Variants in AAK1 observed in about 807,000 individuals in gnomAD.
The protein encoded by AAK1 is AP2-associated protein kinase 1.
Under a neutral mutation model 116.0 loss-of-function variants are expected in AAK1, and 37 were observed. That is an observed-to-expected ratio of 0.32 (90% CI 0.25 to 0.42). AAK1 has a LOEUF of 0.42. Ranked by LOEUF, AAK1 falls within the 10% of genes least tolerant of loss-of-function variation. The probability of loss-of-function intolerance (pLI) is 1.00; values close to 1 mark genes in which losing one functional copy is unlikely to be tolerated. For missense variants in AAK1, 919 were observed against 1,170.6 expected (o/e 0.79, Z 3.14); for synonymous variants, 458 against 439.9 (o/e 1.04, Z -0.51).
At chr2:69,630,786 G>A (rs1675142345) in intron 2 of AAK1, among the ~76,000 whole-genome samples, 2 of 152,186 alleles carry the variant, frequency 1.3e-5, no homozygotes, top group Admixed American at 1.3e-4. Flanking sequence ...GGGGGAAGGG[G>A]AGGAAAGACA....
At chr2:69,547,995 G>C (rs2105064480) in intron 3 of AAK1, among the ~76,000 whole-genome samples, 1 of 152,212 alleles carries the variant, frequency 6.6e-6, no homozygotes, top group South Asian at 2.1e-4. Context: ...AGTGAAAACA[G>C]ACACAAGAGG....
chr2:69,641,877 AAC>A (rs1405686255), intron 2 of AAK1, among the ~76,000 whole-genome samples: 3 of 152,268 alleles, frequency 2.0e-5, no homozygotes, highest in South Asian at 4.1e-4. Flanking sequence ...CTCGGTCTAT[AAC>A]ACAACCTACA....
Position 69,544,520 on chromosome 2 carries a change from T to C in AAK1, c.307A>G (p.Ile103Val). The change falls in exon 4 of 22, where the codon ATT (isoleucine) becomes GTT (valine). Residue 103 changes from isoleucine to valine, a missense_variant. Ile to Val is a conservative substitution (Grantham distance 29). This residue lies in a region of AAK1 where 317 missense variants were observed against 490.4 expected (regional missense o/e 0.65). Coordinates refer to ENST00000409085, the MANE Select transcript of AAK1 (RefSeq NM_014911.5). ...ATACTAGAATCAATGTAACCCACAATATTCTTGTGCCCTGAAAGATCCCTC... is the reference window on the plus strand; with the variant it reads ...ATACTAGAATCAATGTAACCCACAACATTCTTGTGCCCTGAAAGATCCCTC... ...IMRDLSGHKN[I>V]VGYIDSSINN... 6.2e-7 allele frequency: 1 copy of C among 1,613,670 alleles called. No individual in the cohort carries two copies.
intron 2 of AAK1, among the ~76,000 whole-genome samples, chr2:69,629,389 G>C (rs1264748778): frequency 6.6e-6 from 1 of 152,208 alleles, no homozygotes; most frequent in African/African-American, 2.4e-5. Flanking sequence ...AAATGGTTTA[G>C]AGTTCCTTTA....
chr2:69,557,077 A>T (rs1471474256), intron 2 of AAK1, 99 bp from the exon 3 acceptor site: 2 of 786,684 alleles, frequency 2.5e-6, no homozygotes, highest in Non-Finnish European at 4.4e-6. Context: ...TGCTAATGGT[A>T]CTAATGCCAC....
At chr2:69,612,459 C>A (rs1486071157) in intron 2 of AAK1, among the ~76,000 whole-genome samples, 1 of 152,166 alleles carries the variant, frequency 6.6e-6, no homozygotes, top group Non-Finnish European at 1.5e-5. Context: ...GCTACATAAG[C>A]ACTAAAAGTC....
Position 69,581,376 on chromosome 2 carries a change from G to T in AAK1, c.164-24398C>A, listed in dbSNP as rs183420412. 4.6e-5 allele frequency among the ~76,000 whole-genome samples: 7 copies of T among 152,318 alleles called. No homozygotes were observed. In the East Asian group the frequency reaches 1.4e-3, roughly 29 times the overall value. ...CTCCCAAAGTGCTGGAATTACAGGA[G>T]TGAGCCACTGCGCCCAGCTGGTTTT... is the stretch of plus-strand genomic sequence containing the variant. On this transcript the variant is annotated intron_variant, in intron 2 of 21. Coordinates refer to ENST00000409085, the MANE Select transcript of AAK1 (RefSeq NM_014911.5).
intron 2 of AAK1, among the ~76,000 whole-genome samples, chr2:69,622,165 C>A (rs1674666874): frequency 6.6e-6 from 1 of 152,226 alleles, no homozygotes; most frequent in South Asian, 2.1e-4. Context: ...CTTGGTGGGC[C>A]CCGCACTCAG....
At chr2:69,479,998 G>A (rs932783574) in intron 19 of AAK1, among the ~76,000 whole-genome samples, 1 of 152,008 alleles carries the variant, frequency 6.6e-6, no homozygotes, top group African/African-American at 2.4e-5. Context: ...CAGGTGATCC[G>A]CCCACTTCAG....
Position 69,464,632 on chromosome 2 carries a change from C to T in AAK1, c.*11237G>A, listed in dbSNP as rs1021752077. 1.3e-5 allele frequency: 2 copies of T among 152,598 alleles called. No homozygotes were observed. Among genetic ancestry groups the T allele is most frequent in the Non-Finnish European group, 2.9e-5 (2 of 68,036 alleles). The allele number at this position is 152,598 out of a possible 1,614,324, so 9.5% of individuals were successfully genotyped here. On this transcript the variant is annotated 3_prime_UTR_variant, in exon 22 of 22. Transcript: ENST00000409085. Reference sequence around the variant, plus strand: ...GCAGGATTTCCCTCAAGTGGAAATGCTTCCTGTGCACACACACGTATACAT... The same window carrying T: ...GCAGGATTTCCCTCAAGTGGAAATGTTTCCTGTGCACACACACGTATACAT...
intron 2 of AAK1, among the ~76,000 whole-genome samples, chr2:69,637,190 G>C (rs1369695309): frequency 6.6e-6 from 1 of 152,116 alleles, no homozygotes; most frequent in African/African-American, 2.4e-5. Flanking sequence ...TGTCCATCTA[G>C]CAATAAGTTC....
At chr2:69,565,765 G>T (rs759531454) in intron 2 of AAK1, among the ~76,000 whole-genome samples, 1 of 150,284 alleles carries the variant, frequency 6.7e-6, no homozygotes, top group Admixed American at 6.6e-5. Flanking sequence ...TCCTCTCCAC[G>T]GTAAGAACCT....
At chr2:69,640,079 T>TCTCTCC (rs746154277) in intron 2 of AAK1, among the ~76,000 whole-genome samples, 2 of 136,418 alleles carry the variant, frequency 1.5e-5, no homozygotes, top group East Asian at 2.3e-4. Context: ...TCTCTCTCTC[T>TCTCTCC]CCCCCCCCAC....
At chr2:69,557,163 G>T (rs1671418485) in intron 2 of AAK1, among the ~76,000 whole-genome samples, 185 bp from the exon 3 acceptor site, 1 of 152,166 alleles carries the variant, frequency 6.6e-6, no homozygotes, top group Non-Finnish European at 1.5e-5. Context: ...ATTACTTGTG[G>T]GAGTGGGTGG....
intron 2 of AAK1, among the ~76,000 whole-genome samples, chr2:69,633,048 T>C (rs530969829): frequency 1.4e-5 from 2 of 144,722 alleles, no homozygotes; most frequent in Non-Finnish European, 3.0e-5. Flanking sequence ...AAAAAATAAA[T>C]AAAAATAAAA....
At chr2:69,532,693 A>AT (rs1175933485) in intron 5 of AAK1, among the ~76,000 whole-genome samples, 2 of 152,208 alleles carry the variant, frequency 1.3e-5, no homozygotes, top group Non-Finnish European at 2.9e-5. Flanking sequence ...CTTGGACCTT[A>AT]TAAGTACCTA....
intron 5 of AAK1, 115 bp from the exon 6 acceptor site, chr2:69,532,277 C>A: frequency 7.7e-7 from 1 of 1,301,086 alleles, no homozygotes; most frequent in South Asian, 1.4e-5. Context: ...CATTAATGTG[C>A]ACAGGGAAGT....
rs116814373 is a variant in AAK1, at chr2:69,540,949, A to G, written c.534+1574T>C. On this transcript the variant is annotated intron_variant, in intron 5 of 21. Transcript: ENST00000409085. ...TGAAAATGAAGTACTGATACATACT[A>G]TAACATTGACGAACCTTGAAAACAT... 4.7e-3 allele frequency among the ~76,000 whole-genome samples: 723 copies of G among 152,374 alleles called. 3 individuals are homozygous for G. Among genetic ancestry groups the G allele is most frequent in the African/African-American group, 0.016 (676 of 41,600 alleles).
intron 5 of AAK1, 34 bp from the exon 6 acceptor site, chr2:69,532,196 T>C (rs1225466168): frequency 6.2e-7 from 1 of 1,610,418 alleles, no homozygotes; most frequent in South Asian, 1.1e-5. Context: ...CATTCCAAGA[T>C]ATCATTTAGT....
Sources: allele counts gnomAD v4.1 joint callset (sites outside exome capture counted in the v4.1 genomes callset), GRCh38; gene constraint gnomAD v4.1.1; regional missense constraint gnomAD v4.1.1; transcripts MANE v1.5; gene names NCBI Gene and HGNC (gene_info 2026-07-23, HGNC 2026-07-21).